The following FSCN2 variants were observed in gnomAD, a reference collection of about 807,000 sequenced individuals.
FSCN2 encodes the protein fascin actin-bundling protein 2, retinal.
Under a neutral mutation model 37.8 loss-of-function variants are expected in FSCN2, and 46 were observed. That is an observed-to-expected ratio of 1.22 (90% CI 0.96 to 1.56). The LOEUF is 1.56. Among genes scored for constraint, FSCN2 ranks in the 40% most tolerant of loss-of-function variants. FSCN2 has a pLI of 0.00. For missense variants in FSCN2, 844 were observed against 730.4 expected (o/e 1.16, Z -1.79); for synonymous variants, 351 against 309.4 (o/e 1.13, Z -1.41).
At chr17:81,531,732 GTGATGA>G (rs1568078062) in intron 1 of FSCN2, among the ~76,000 whole-genome samples, 2 of 122,958 alleles carry the variant, frequency 1.6e-5, no homozygotes, top group Admixed American at 7.8e-5. Flanking sequence ...GATGGTGATG[GTGATGA>G]TGGTGATGAT....
chr17:81,535,889 C>A (rs569124672), intron 2 of FSCN2, among the ~76,000 whole-genome samples: 1 of 147,934 alleles, frequency 6.8e-6, no homozygotes, highest in African/African-American at 2.5e-5. Context: ...CCATCTCCAT[C>A]TTCACCATCC....
chr17:81,515,573 A>G, the FSCN2 span, among the ~76,000 whole-genome samples: 1 of 152,300 alleles, frequency 6.6e-6, no homozygotes, highest in Non-Finnish European at 1.5e-5. Context: ...TGGCCCAGGG[A>G]GGTATGGCAG....
upstream of FSCN2, chr17:81,527,920 T>C (rs2032399389): frequency 6.4e-6 from 1 of 155,090 alleles, no homozygotes; most frequent in South Asian, 2.0e-4. Context: ...CTGGGGTCCT[T>C]GCTATGCTTC....
chr17:81,532,706 A>AGTGATGGTGGTGGCGATAGTGATG (rs2032739134), intron 1 of FSCN2, among the ~76,000 whole-genome samples: 2 of 119,296 alleles, frequency 1.7e-5, no homozygotes, highest in Admixed American at 1.6e-4. Flanking sequence ...CGATAGTGAT[A>AGTGATGGTGGTGGCGATAGTGATG]GTGATGGTGG....
At chr17:81,526,498 G>A (rs1555670123), upstream of FSCN2, among the ~76,000 whole-genome samples, 1 of 152,226 alleles carries the variant, frequency 6.6e-6, no homozygotes, top group Non-Finnish European at 1.5e-5. Context: ...GGGCACGGTA[G>A]CAAGTGCCTG....
chr17:81,518,889 A>G, the FSCN2 span, among the ~76,000 whole-genome samples: 1 of 152,284 alleles, frequency 6.6e-6, no homozygotes, highest in South Asian at 2.1e-4. Context: ...GCTGTGTCCT[A>G]AGGGCTGCCT....
chr17:81,531,868 T>TGGTGGTGATGGC (rs2032646796), intron 1 of FSCN2, among the ~76,000 whole-genome samples: 2 of 131,966 alleles, frequency 1.5e-5, no homozygotes, highest in African/African-American at 2.9e-5. Flanking sequence ...GTGATGGCGA[T>TGGTGGTGATGGC]GATGGTGATG....
chr17:81,532,549 TG>T lies in FSCN2; in HGVS notation c.827-2501del, dbSNP rs1444710989. ...ATGATGATGATAGTGATGGTGGTGA[TG>T]GTGATGGTGGTGATGGTGATGGTGG... On this transcript the variant is annotated intron_variant, in intron 1 of 4. Transcript: ENST00000417245. 6.8e-5 allele frequency among the ~76,000 whole-genome samples: 10 copies of T among 147,260 alleles called. No homozygotes were observed. In the East Asian group the frequency reaches 9.9e-4, roughly 15 times the overall value.
At chr17:81,522,469 C>G in the FSCN2 span, among the ~76,000 whole-genome samples, 6 of 152,242 alleles carry the variant, frequency 3.9e-5, no homozygotes, top group African/African-American at 1.4e-4. Context: ...GAGCCCTTCT[C>G]ACCGTAGAGT....
intron 1 of FSCN2, among the ~76,000 whole-genome samples, chr17:81,529,901 A>C (rs978247154): frequency 3.9e-5 from 6 of 152,154 alleles, no homozygotes; most frequent in African/African-American, 1.4e-4. Flanking sequence ...GCGCCGCCTC[A>C]CGGGTTCACG....
chr17:81,520,446 CTG>C, the FSCN2 span, among the ~76,000 whole-genome samples: 1 of 152,258 alleles, frequency 6.6e-6, no homozygotes, highest in Non-Finnish European at 1.5e-5. Context: ...TGAAGGTTAA[CTG>C]TGCCCAGCAC....
rs1568077048 is a variant in FSCN2, at chr17:81,531,294, GTGA to G, written c.826+1940_826+1942del. On this transcript the variant is annotated intron_variant, in intron 1 of 4. Transcript: ENST00000417245. Reference sequence around the variant, plus strand: ...GATGGCGGTGGTGATGGTGATGGTGGTGATGGTGATGGTGGTGGTGGTGATGAT... The same window carrying G: ...GATGGCGGTGGTGATGGTGATGGTGGTGGTGATGGTGGTGGTGGTGATGAT... 2.7e-3 allele frequency among the ~76,000 whole-genome samples: 155 copies of G among 57,768 alleles called. 1 individual carries two copies. Among genetic ancestry groups the G allele is most frequent in the Middle Eastern group, 0.018 (2 of 110 alleles). The allele number at this position is 57,768 out of a possible 152,430, so 37.9% of individuals were successfully genotyped here. A position where few individuals can be genotyped will look rare whatever the true frequency, so the allele number is the denominator to read the frequency against.
intron 1 of FSCN2, among the ~76,000 whole-genome samples, chr17:81,532,550 G>A (rs1277535829): frequency 4.1e-4 from 62 of 149,680 alleles, no homozygotes; most frequent in Admixed American, 7.3e-4. Flanking sequence ...TGGTGGTGAT[G>A]GTGATGGTGG....
In FSCN2 at chr17:81,537,039, G is replaced by A. The variant is rs539902937; in HGVS notation, c.1438G>A (p.Asp480Asn). ...RGGASGLLRA[D>N]ADAPAGTALW... ...CGGCGCCTCGGGCCTGCTGCGGGCC[G>A]ATGCCGACGCCCCGGCCGGGACCGC... Residue 480 changes from aspartate (D) to asparagine (N), a missense_variant, in exon 5 of 5, where the codon GAT becomes AAT. Transcript: ENST00000417245. 6.1e-6 allele frequency: 9 copies of A among 1,478,252 alleles called. No homozygotes were observed. Among genetic ancestry groups the A allele is most frequent in the African/African-American group, 4.4e-5 (3 of 68,070 alleles). 91.6% of individuals were successfully genotyped at this position (1,478,252 alleles called of 1,614,324 possible).
rs782155458 is a variant in FSCN2 at position 81,528,525 on chromosome 17, C to T, written c.-7C>T. On this transcript the variant is annotated 5_prime_UTR_variant, in exon 1 of 5. Coordinates refer to ENST00000417245, the MANE Select transcript of FSCN2 (RefSeq NM_012418.4). ...CAGGCCCCTCCGGGGACCCGGCCAGCCTGAAGATGCCGACGAACGGCCTGC... is the reference window on the plus strand; with the variant it reads ...CAGGCCCCTCCGGGGACCCGGCCAGTCTGAAGATGCCGACGAACGGCCTGC... 5 of 1,581,044 alleles carry T rather than the reference C, an allele frequency of 3.2e-6. No individual in the cohort carries two copies. The highest frequency in any genetic ancestry group is 3.4e-6 in the Non-Finnish European group (4 of 1,163,008).
In FSCN2 at chr17:81,528,952, G is replaced by T; in HGVS notation, c.421G>T (p.Ala141Ser). The change falls in exon 1 of 5, where the codon GCC (alanine) becomes TCC (serine). Residue 141 changes from alanine (A) to serine (S), a missense_variant. Coordinates refer to ENST00000417245, the MANE Select transcript of FSCN2 (RefSeq NM_012418.4). ...WTVHLAIHPQAHLLSVSRRRY... is the reference protein window; with the variant it reads ...WTVHLAIHPQSHLLSVSRRRY... ...CGTGCACCTGGCCATCCACCCGCAG[G>T]CCCACCTGCTGAGCGTGAGCCGGCG... 6.3e-7 allele frequency: 1 copy of T among 1,590,382 alleles called. No individual in the cohort carries two copies. The highest frequency in any genetic ancestry group is 1.1e-5 in the South Asian group (1 of 88,218).
At position 81,537,008 on chromosome 17, in the gene FSCN2, G is replaced by A. The variant is rs1200184537; in HGVS notation, c.1407G>A (p.Leu469=). 4.6e-6 allele frequency: 7 copies of A among 1,508,114 alleles called. No homozygotes were observed. The highest frequency in any genetic ancestry group is 6.2e-6 in the Non-Finnish European group (7 of 1,135,086). 93.4% of individuals were successfully genotyped at this position (1,508,114 alleles called of 1,614,324 possible). Residue 469 remains leucine, a synonymous_variant, in exon 5 of 5, where the codon CTG becomes CTA. Transcript: ENST00000417245. ...LAIRARSGKY[L]RGGASGLLRA... ...TCCGCGCCCGGAGCGGCAAGTACCT[G>A]CGCGGCGGCGCCTCGGGCCTGCTGC...
At chr17:81,531,038 G>T (rs74002409) in intron 1 of FSCN2, among the ~76,000 whole-genome samples, 11,211 of 152,336 alleles carry the variant, frequency 0.074, 1,309 homozygotes, top group African/African-American at 0.24. Context: ...TTGGAAAGCA[G>T]ACTCAAAGTG....
chr17:81,532,680 A>G (rs1291180962), intron 1 of FSCN2, among the ~76,000 whole-genome samples: 1 of 146,392 alleles, frequency 6.8e-6, no homozygotes, highest in Non-Finnish European at 1.5e-5. Flanking sequence ...AATGGTGATG[A>G]TAGTGATGGT....
Sources: allele counts gnomAD v4.1 joint callset (sites outside exome capture counted in the v4.1 genomes callset), GRCh38; gene constraint gnomAD v4.1.1; transcripts MANE v1.5; gene names NCBI Gene and HGNC (gene_info 2026-07-23, HGNC 2026-07-21).